The following PKHD1L1 variants were observed in gnomAD, a reference collection of about 807,000 sequenced individuals.
PKHD1L1 encodes the protein PKHD1 like 1.
PKHD1L1 carries 434 observed loss-of-function variants against 462.9 expected under a neutral mutation model. The ratio of observed to expected loss-of-function variants is 0.94; its 90% confidence interval spans 0.87 to 1.02. The LOEUF (loss-of-function observed/expected upper bound fraction) is 1.02, where lower values mean the gene tolerates loss of function less well. PKHD1L1 is among the 50% of genes least tolerant of loss of function. The pLI is 0.00. For synonymous variants in PKHD1L1, 1,781 were observed against 1,750.0 expected (o/e 1.02, Z -0.44); for missense variants, 5,202 against 5,096.1 (o/e 1.02, Z -0.63).
At position 109,425,171 on chromosome 8, in the gene PKHD1L1, A is replaced by G. The variant is rs1275036617; in HGVS notation, c.2784A>G (p.Gln928=). 1.9e-6 allele frequency: 3 copies of G among 1,610,566 alleles called. No individual in the cohort carries two copies. The highest frequency in any genetic ancestry group is 1.7e-4 in the Middle Eastern group (1 of 6,054). Residue 928 remains glutamine (Q), a synonymous_variant, in exon 24 of 78, where the codon CAA becomes CAG. Coordinates refer to ENST00000378402, the MANE Select transcript of PKHD1L1 (RefSeq NM_177531.6). ...GESKIHIQRI[Q]AASPPLSGSF... ...CAAAAATTCATATTCAAAGAATTCA[A>G]GCTGCATCTCCACCTCTAAGTGGCA...
In PKHD1L1 at chr8:109,534,625, A is replaced by G. The variant is rs1286288277; in HGVS notation, c.*4535A>G. Among the ~76,000 whole-genome samples the G allele has an allele frequency of 6.6e-6, 1 of 152,144 alleles. No homozygotes were observed. Among genetic ancestry groups the G allele is most frequent in the Non-Finnish European group, 1.5e-5 (1 of 68,028 alleles). On this transcript the variant is annotated 3_prime_UTR_variant, in exon 78 of 78. Coordinates refer to ENST00000378402, the MANE Select transcript of PKHD1L1 (RefSeq NM_177531.6). ...TAGCTGCAAGGAGTGTTCAGTCTCCAGTGAAAGAAATATTAAGATTTATTC... is the reference window on the plus strand; with the variant it reads ...TAGCTGCAAGGAGTGTTCAGTCTCCGGTGAAAGAAATATTAAGATTTATTC...
chr8:109,479,923 T>G (rs1818186372), intron 54 of PKHD1L1, 68 bp from the exon 55 acceptor site: 2 of 1,398,236 alleles, frequency 1.4e-6, no homozygotes, highest in Non-Finnish European at 1.9e-6. Flanking sequence ...ACTGATAAGC[T>G]TGTCAATGTT....
chr8:109,526,691 A>C (rs982979439), intron 76 of PKHD1L1, 93 bp from the exon 77 acceptor site: 5 of 1,032,158 alleles, frequency 4.8e-6, no homozygotes, highest in Non-Finnish European at 7.0e-6. Context: ...GGATCTATAT[A>C]GTGTTTTTCA....
In PKHD1L1 at chr8:109,526,779, T is replaced by TC; in HGVS notation, c.12485-3dup. ...ATCAAACACTATGATGCTTTTTTTT[T>TC]CCAGGAAAAAATTATAAGATTGAAT... is the stretch of plus-strand genomic sequence containing the variant. On this transcript the variant is annotated splice_region_variant and splice_polypyrimidine_tract_variant and intron_variant, in intron 76 of 77. Coordinates refer to ENST00000378402, the MANE Select transcript of PKHD1L1 (RefSeq NM_177531.6). The TC allele has an allele frequency of 6.5e-7, 1 of 1,544,914 alleles. No homozygotes were observed. Among genetic ancestry groups the TC allele is most frequent in the Non-Finnish European group, 8.8e-7 (1 of 1,142,668 alleles).
intron 6 of PKHD1L1, among the ~76,000 whole-genome samples, chr8:109,388,128 G>C (rs935018803): frequency 5.3e-5 from 8 of 152,126 alleles, no homozygotes; most frequent in South Asian, 2.1e-4. Context: ...TTTTTGAGTT[G>C]ATTGAACTTC....
chr8:109,373,766 A>C (rs1394549467), intron 2 of PKHD1L1, among the ~76,000 whole-genome samples: 1 of 152,156 alleles, frequency 6.6e-6, no homozygotes, highest in Admixed American at 6.6e-5. Flanking sequence ...TTATGTCCCC[A>C]GTAGTCATTC....
In PKHD1L1 at chr8:109,445,133, T is replaced by A; in HGVS notation, c.5264T>A (p.Phe1755Tyr). 6.2e-7 allele frequency: 1 copy of A among 1,613,940 alleles called. No homozygotes were observed. Among genetic ancestry groups the A allele is most frequent in the Non-Finnish European group, 8.5e-7 (1 of 1,179,890 alleles). The change falls in exon 38 of 78, where the codon TTC (phenylalanine) becomes TAC (tyrosine). Residue 1755 changes from phenylalanine to tyrosine, a missense_variant. Physicochemically the swap from Phe to Tyr is conservative, Grantham distance 22. Transcript: ENST00000378402. Reference protein sequence around the residue: ...ESITPYITGVFPNSVIGSVKV... With the variant: ...ESITPYITGVYPNSVIGSVKV... ...ATCACTCCTTACATAACAGGAGTCT[T>A]CCCAAACTCTGTCATAGGATCTGTA...
chr8:109,517,329 C>T (rs1050640767), intron 72 of PKHD1L1, among the ~76,000 whole-genome samples: 3 of 152,204 alleles, frequency 2.0e-5, no homozygotes, highest in Middle Eastern at 6.8e-3. Context: ...TGTCTCTGCT[C>T]CTTTCATTAC....
At chr8:109,450,135 CTT>C (rs1395963791) in intron 40 of PKHD1L1, among the ~76,000 whole-genome samples, 1 of 152,138 alleles carries the variant, frequency 6.6e-6, no homozygotes, top group East Asian at 1.9e-4. Flanking sequence ...AGCCGAGTAA[CTT>C]CTCTCTGCTT....
At chr8:109,486,511 T>C in intron 58 of PKHD1L1, 137 bp from the exon 59 acceptor site, 1 of 643,998 alleles carries the variant, frequency 1.6e-6, no homozygotes, top group Non-Finnish European at 2.6e-6. Flanking sequence ...TATATATGTT[T>C]AACATGTAAA....
chr8:109,511,667 G>A (rs549796480), intron 71 of PKHD1L1, among the ~76,000 whole-genome samples: 14 of 152,168 alleles, frequency 9.2e-5, no homozygotes, highest in Non-Finnish European at 1.8e-4. Context: ...GTGTGCATGT[G>A]TCTTTATAGA....
chr8:109,399,529 C>T (rs1813162305), intron 12 of PKHD1L1, among the ~76,000 whole-genome samples: 1 of 151,848 alleles, frequency 6.6e-6, no homozygotes, highest in Non-Finnish European at 1.5e-5. Flanking sequence ...TTGATTCTGT[C>T]CAAGAAGGAG....
chr8:109,527,874 A>G (rs904703138), intron 77 of PKHD1L1, among the ~76,000 whole-genome samples: 4 of 152,218 alleles, frequency 2.6e-5, no homozygotes, highest in Non-Finnish European at 5.9e-5. Flanking sequence ...TTCCAGAGAA[A>G]AGCCCCAAAG....
At chr8:109,517,934 A>T (rs892622671) in intron 72 of PKHD1L1, among the ~76,000 whole-genome samples, 1 of 152,158 alleles carries the variant, frequency 6.6e-6, no homozygotes, top group Non-Finnish European at 1.5e-5. Context: ...GCTAATTTTT[A>T]AAAAACAAAC....
At chr8:109,443,607 C>T (rs1217967473) in intron 36 of PKHD1L1, 69 bp from the exon 37 acceptor site, 11 of 1,181,120 alleles carry the variant, frequency 9.3e-6, no homozygotes, top group South Asian at 6.2e-5. Context: ...TAAAGAGTAA[C>T]GCAGTTTGAA....
chr8:109,445,004 G>A lies in PKHD1L1; in HGVS notation c.5135G>A (p.Cys1712Tyr), dbSNP rs1419344909. 1.2e-6 allele frequency: 2 copies of A among 1,613,964 alleles called. No homozygotes were observed. The highest frequency in any genetic ancestry group is 1.7e-6 in the Non-Finnish European group (2 of 1,179,862). ...TCAGTGAATTATACGGCCATTGAAT[G>A]TGAAACATCCCCTGCTGCCCAACAG... is the stretch of plus-strand genomic sequence containing the variant. ...VLSVNYTAIE[C>Y]ETSPAAQQLV... Residue 1712 changes from cysteine to tyrosine, a missense_variant, in exon 38 of 78, where the codon TGT becomes TAT. Physicochemically the swap from Cys to Tyr is radical, Grantham distance 194. This residue lies in a region of PKHD1L1 where 4,497 missense variants were observed against 4,336.8 expected (regional missense o/e 1.04). Transcript: ENST00000378402.
chr8:109,477,122 C>A, intron 52 of PKHD1L1, 103 bp from the exon 53 acceptor site: 1 of 1,070,312 alleles, frequency 9.3e-7, no homozygotes, highest in Non-Finnish European at 1.4e-6. Flanking sequence ...AATTATAATT[C>A]AAGTTACTAC....
rs1563573599 is a variant in PKHD1L1, at chr8:109,464,229, G to A, written c.7397G>A (p.Gly2466Asp). The change falls in exon 49 of 78, where the codon GGC becomes GAC. Residue 2466 changes from glycine (G) to aspartate (D), a missense_variant. Gly to Asp is a moderately conservative substitution (Grantham distance 94). This residue lies in a region of PKHD1L1 where 4,497 missense variants were observed against 4,336.8 expected (regional missense o/e 1.04). Coordinates refer to ENST00000378402, the MANE Select transcript of PKHD1L1 (RefSeq NM_177531.6). The stretch of plus-strand genomic sequence containing the variant: ...TGGGCTTAACAGGTATTCCATGCTG[G>A]CCAGGCTTTCCGGTTGGGGCGATAT... ...RIEYVEVFHA[G>D]QAFRLGRYPI... 3 of 1,597,096 alleles carry A rather than the reference G, an allele frequency of 1.9e-6. No homozygotes were observed. The highest frequency in any genetic ancestry group is 2.2e-5 in the East Asian group (1 of 44,468).
intron 53 of PKHD1L1, among the ~76,000 whole-genome samples, chr8:109,477,656 C>T (rs1033439423): frequency 4.6e-5 from 7 of 152,118 alleles, no homozygotes; most frequent in Non-Finnish European, 1.0e-4. Flanking sequence ...AGACCTGGCC[C>T]AACTCCCTTA....
Sources: allele counts gnomAD v4.1 joint callset (sites outside exome capture counted in the v4.1 genomes callset), GRCh38; gene constraint gnomAD v4.1.1; regional missense constraint gnomAD v4.1.1; transcripts MANE v1.5; gene names NCBI Gene and HGNC (gene_info 2026-07-23, HGNC 2026-07-21).